The following TMEM26 variants were observed in gnomAD, a reference collection of about 807,000 sequenced individuals.
TMEM26 encodes transmembrane protein 26.
In TMEM26, 38 loss-of-function variants were observed where a neutral mutation model predicts 28.8. The observed-to-expected ratio is 1.32, with a 90% CI of 1.02 to 1.73. The LOEUF (loss-of-function observed/expected upper bound fraction) is 1.73. Among genes scored for constraint, TMEM26 ranks in the 40% most tolerant of loss-of-function variants. TMEM26 has a pLI of 0.00. For synonymous variants in TMEM26, 227 were observed against 182.9 expected (o/e 1.24, Z -1.95); for missense variants, 518 against 447.1 (o/e 1.16, Z -1.43).
chr10:61,452,721 G>T, intron 1 of TMEM26, 170 bp downstream of exon 1: 1 of 775,398 alleles, frequency 1.3e-6, no homozygotes, highest in Non-Finnish European at 2.1e-6. Flanking sequence ...GGGTGGCCCT[G>T]GGGTGCCCAA....
At position 61,431,295 on chromosome 10, in the gene TMEM26, G is replaced by C. The variant is rs372162862; in HGVS notation, c.308C>G (p.Thr103Ser). The change falls in exon 3 of 6, where the codon ACC becomes AGC. Residue 103 changes from threonine to serine, a missense_variant. Coordinates refer to ENST00000399298, the MANE Select transcript of TMEM26 (RefSeq NM_178505.8). ...SIQAEGTSQN[T>S]SRKEDFNQTL... ...TTGATTGAAGTCTTCTTTTCTGCTGGTATTCTGTGATGTTCCTTCAGCCTG... is the reference window on the plus strand; with the variant it reads ...TTGATTGAAGTCTTCTTTTCTGCTGCTATTCTGTGATGTTCCTTCAGCCTG... The C allele has an allele frequency of 4.3e-6, 7 of 1,613,042 alleles. No homozygotes were observed. The Middle Eastern group carries it at 5.0e-4, about 114-fold the overall frequency.
rs369431776 is a variant in TMEM26 at position 61,410,512 on chromosome 10, A to G, written c.917T>C (p.Val306Ala). ...VVVLQLYRLV[V>A]LALAVRASLR... is the part of the protein sequence containing the mutation. ...CGAAGCACGGACTGCCAATGCCAGCACCACCAAGCGGTAGAGTTGCAACAC... is the reference window on the plus strand; with the variant it reads ...CGAAGCACGGACTGCCAATGCCAGCGCCACCAAGCGGTAGAGTTGCAACAC... The change falls in exon 6 of 6, where the codon GTG becomes GCG. Residue 306 changes from valine to alanine, a missense_variant. Transcript: ENST00000399298. 6.2e-7 allele frequency: 1 copy of G among 1,613,982 alleles called. No individual in the cohort carries two copies. The highest frequency in any genetic ancestry group is 1.3e-5 in the African/African-American group (1 of 74,884).
Position 61,416,164 on chromosome 10 carries a change from T to C in TMEM26, c.606-2629A>G, listed in dbSNP as rs1298191581. 5 of 431,978 alleles carry C rather than the reference T, an allele frequency of 1.2e-5. No homozygotes were observed. In the East Asian group the frequency reaches 3.5e-4, roughly 31 times the overall value. The allele number at this position is 431,978 out of a possible 1,614,324, so 26.8% of individuals were successfully genotyped here. On this transcript the variant is annotated intron_variant, in intron 4 of 5. Coordinates refer to ENST00000399298, the MANE Select transcript of TMEM26 (RefSeq NM_178505.8). ...TTGAGGATATTTTCACAAGGTTTTT[T>C]CAATAGATGCAAAAGAAATTTTTCA...
At chr10:61,452,832 G>A (rs756730914) in intron 1 of TMEM26, 59 bp downstream of exon 1, 108 of 1,543,730 alleles carry the variant, frequency 7.0e-5, no homozygotes, top group Non-Finnish European at 9.3e-5. Flanking sequence ...GCCTGCGAGT[G>A]CGGTGGGGGA....
intron 5 of TMEM26, chr10:61,412,899 G>T: frequency 1.6e-6 from 2 of 1,284,270 alleles, no homozygotes; most frequent in South Asian, 1.3e-5. Context: ...AATCTTAGGG[G>T]TTTATGTTTT....
Position 61,428,956 on chromosome 10 carries a change from G to T in TMEM26, c.575C>A (p.Thr192Lys), listed in dbSNP as rs377200951. 11 of 1,612,980 alleles carry T rather than the reference G, an allele frequency of 6.8e-6. No homozygotes were observed. The highest frequency in any genetic ancestry group is 9.3e-6 in the Non-Finnish European group (11 of 1,179,366). Residue 192 changes from threonine (T) to lysine (K), a missense_variant, in exon 4 of 6, where the codon ACA becomes AAA. Transcript: ENST00000399298. ...ATTTTGTTCTTCTAGGGTCTCACTT[G>T]TGAATTCCAGTATGTCAGCCGCTGT... Reference protein sequence around the residue: ...VGTAADILEFTSETLEEQNVR... With the variant: ...VGTAADILEFKSETLEEQNVR...
At chr10:61,420,789 T>A (rs2135296954) in intron 4 of TMEM26, among the ~76,000 whole-genome samples, 1 of 151,252 alleles carries the variant, frequency 6.6e-6, no homozygotes, top group African/African-American at 2.4e-5. Flanking sequence ...CTAAATAAAG[T>A]CTTTCAGGTC....
chr10:61,436,822 T>C (rs1840016021), intron 1 of TMEM26, among the ~76,000 whole-genome samples: 1 of 152,200 alleles, frequency 6.6e-6, no homozygotes. Flanking sequence ...TGTAAGCCTT[T>C]GGTATTTTTT....
intron 1 of TMEM26, among the ~76,000 whole-genome samples, chr10:61,445,045 T>C (rs1287805418): frequency 6.6e-6 from 1 of 152,192 alleles, no homozygotes; most frequent in Admixed American, 6.5e-5. Context: ...TGGTGTGCAT[T>C]AGCGTACTCA....
intron 4 of TMEM26, among the ~76,000 whole-genome samples, chr10:61,426,402 T>G (rs1839833195): frequency 6.6e-6 from 1 of 152,130 alleles, no homozygotes; most frequent in Non-Finnish European, 1.5e-5. Flanking sequence ...ACAGTTGAAC[T>G]TTATGTTATT....
In TMEM26 at chr10:61,426,674, T is replaced by A. The variant is rs544029334; in HGVS notation, c.605+2252A>T. On this transcript the variant is annotated intron_variant, in intron 4 of 5. Transcript: ENST00000399298. ...GAATAAAACATTAGAAAAAGTAAAATGTCATAATAATAGGCAATGCTGAGT... is the reference window on the plus strand; with the variant it reads ...GAATAAAACATTAGAAAAAGTAAAAAGTCATAATAATAGGCAATGCTGAGT... 2.7e-4 allele frequency among the ~76,000 whole-genome samples: 41 copies of A among 152,152 alleles called. No homozygotes were observed. The South Asian group carries it at 6.8e-3, about 25-fold the overall frequency.
chr10:61,410,871 G>C, intron 5 of TMEM26, 125 bp from the exon 6 acceptor site: 1 of 1,008,870 alleles, frequency 9.9e-7, no homozygotes. Context: ...TTAATTACAG[G>C]ATGGAAATCA....
At chr10:61,425,101 G>A (rs1422011287) in intron 4 of TMEM26, among the ~76,000 whole-genome samples, 2 of 152,156 alleles carry the variant, frequency 1.3e-5, no homozygotes, top group African/African-American at 4.8e-5. Context: ...ACAATCATGG[G>A]GGAAGGCAAG....
intron 1 of TMEM26, among the ~76,000 whole-genome samples, chr10:61,446,292 T>C (rs559298441): frequency 6.6e-6 from 1 of 152,332 alleles, no homozygotes; most frequent in South Asian, 2.1e-4. Context: ...ATTCAGTGTG[T>C]GCTTCCCAAA....
chr10:61,413,947 T>A (rs934758984), intron 4 of TMEM26: 9 of 987,038 alleles, frequency 9.1e-6, no homozygotes, highest in Non-Finnish European at 1.1e-5. Flanking sequence ...TGAAAAGACA[T>A]TTCAAAAGAG....
chr10:61,452,583 G>T (rs114623531), intron 1 of TMEM26: 3 of 314,386 alleles, frequency 9.5e-6, no homozygotes, highest in African/African-American at 4.1e-5. Flanking sequence ...CCCTATTTGC[G>T]GGCACATTCA....
intron 1 of TMEM26, among the ~76,000 whole-genome samples, chr10:61,440,046 C>T (rs1336454741): frequency 6.6e-6 from 1 of 152,116 alleles, no homozygotes; most frequent in Non-Finnish European, 1.5e-5. Flanking sequence ...TCGCGACCAG[C>T]CTGGCCAACA....
rs773957767 is a variant in TMEM26 at position 61,409,939 on chromosome 10, A to G, written c.*383T>C. ...AACATTGCAGAAAAGATCAGACGAAATAGTCTGACAATGGAGGCAAAGTTC... is the reference window on the plus strand; with the variant it reads ...AACATTGCAGAAAAGATCAGACGAAGTAGTCTGACAATGGAGGCAAAGTTC... On this transcript the variant is annotated 3_prime_UTR_variant, in exon 6 of 6. Transcript: ENST00000399298. 6 of 196,800 alleles carry G rather than the reference A, an allele frequency of 3.0e-5. No individual in the cohort carries two copies. The highest frequency in any genetic ancestry group is 4.2e-5 in the Non-Finnish European group (4 of 95,768). 12.2% of individuals were successfully genotyped at this position (196,800 alleles called of 1,614,324 possible). A position where few individuals can be genotyped will look rare whatever the true frequency, so the allele number is the denominator to read the frequency against.
chr10:61,420,135 T>TG lies in TMEM26; in HGVS notation c.606-6601_606-6600insC, dbSNP rs1234701019. 3.7e-3 allele frequency among the ~76,000 whole-genome samples: 566 copies of TG among 152,312 alleles called. 3 individuals are homozygous for TG. The highest frequency in any genetic ancestry group is 0.013 in the African/African-American group (542 of 41,574). ...AGTCAATTAACACATATTTTGTATG[T>TG]TATATGTATTACACACTTTATTTTT... On this transcript the variant is annotated intron_variant, in intron 4 of 5. Transcript: ENST00000399298.
Sources: allele counts gnomAD v4.1 joint callset (sites outside exome capture counted in the v4.1 genomes callset), GRCh38; gene constraint gnomAD v4.1.1; transcripts MANE v1.5; gene names NCBI Gene and HGNC (gene_info 2026-07-23, HGNC 2026-07-21).